DNAH17: variants seen among roughly 807,000 people sequenced by gnomAD.
DNAH17 encodes the protein dynein axonemal heavy chain 17.
A neutral mutation model predicts 485.6 loss-of-function variants in DNAH17; 376 were observed. The ratio of observed to expected loss-of-function variants is 0.77; its 90% CI spans 0.71 to 0.84. The LOEUF (loss-of-function observed/expected upper bound fraction) is 0.84. DNAH17 is among the 40% of genes least tolerant of loss of function. The pLI, the probability that DNAH17 is intolerant of heterozygous loss-of-function variation, is 0.00. For missense variants in DNAH17, 6,370 were observed against 5,839.3 expected, an observed-to-expected ratio of 1.09 and a Z score of -2.96; for synonymous variants, 3,031 against 2,405.9, an observed-to-expected ratio of 1.26 and a Z score of -7.60.
rs188071030 is a variant in DNAH17 at position 78,540,297 on chromosome 17, C to T, written c.2533-417G>A. On this transcript the variant is annotated intron_variant, in intron 17 of 80. Transcript: ENST00000389840. ...GACCATCCTCTCCACCACTGTACCC[C>T]CAGCACTCAGCAGTAGGCCTAGCAC... 4.5e-3 allele frequency among the ~76,000 whole-genome samples: 659 copies of T among 146,396 alleles called. 6 individuals are homozygous for T. Among genetic ancestry groups the T allele is most frequent in the African/African-American group, 0.016 (635 of 38,856 alleles).
intron 63 of DNAH17, 46 bp downstream of exon 63, chr17:78,455,598 A>G (rs1239142468): frequency 1.4e-6 from 2 of 1,429,012 alleles, no homozygotes; most frequent in Admixed American, 2.6e-5. Flanking sequence ...AAGTGCTGGC[A>G]TTACAGGCGT....
At chr17:78,494,240 TG>T (rs1568149698) in intron 40 of DNAH17, 67 bp from the exon 41 acceptor site, 2 of 1,562,192 alleles carry the variant, frequency 1.3e-6, no homozygotes, top group East Asian at 2.3e-5. Flanking sequence ...GCTGGGAGGC[TG>T]GGGGGCTTCC....
intron 70 of DNAH17, 37 bp from the exon 71 acceptor site, chr17:78,444,834 A>G: frequency 3.3e-6 from 5 of 1,529,342 alleles, no homozygotes; most frequent in Non-Finnish European, 4.4e-6. Flanking sequence ...GACTCTTCCC[A>G]CTTACCCGGG....
chr17:78,436,608 C>T (rs900889118), intron 74 of DNAH17, among the ~76,000 whole-genome samples: 2 of 152,074 alleles, frequency 1.3e-5, no homozygotes, highest in Non-Finnish European at 2.9e-5. Flanking sequence ...ATTTGGGAGC[C>T]TGAGGCAGGT....
At chr17:78,538,888 T>C (rs2091449375) in intron 18 of DNAH17, among the ~76,000 whole-genome samples, 1 of 152,188 alleles carries the variant, frequency 6.6e-6, no homozygotes. Context: ...GGGGAGCCTT[T>C]GATCTTGGCC....
At position 78,570,242 on chromosome 17, in the gene DNAH17, G is replaced by T; in HGVS notation, c.1044+5C>A. The T allele has an allele frequency of 6.3e-7, 1 of 1,577,918 alleles. No individual in the cohort carries two copies. Among genetic ancestry groups the T allele is most frequent in the Non-Finnish European group, 8.6e-7 (1 of 1,161,894 alleles). ...AAGGGGACCCAGGGGCCAGGGGAGG[G>T]TTACCATCTCGATGATTTGGTTGCA... On this transcript the variant is annotated splice_donor_5th_base_variant and intron_variant, in intron 7 of 80. Transcript: ENST00000389840.
rs183569459 is a variant in DNAH17 at position 78,501,012 on chromosome 17, C to G, written c.5483+172G>C. 11 of 698,232 alleles carry G rather than the reference C, an allele frequency of 1.6e-5. No homozygotes were observed. In the Admixed American group the frequency reaches 3.8e-4, roughly 24 times the overall value. 43.3% of individuals were successfully genotyped at this position (698,232 alleles called of 1,614,324 possible). On this transcript the variant is annotated intron_variant, in intron 35 of 80. Transcript: ENST00000389840. ...AGGAACTCTCCCAAGGCCACACAGC[C>G]GGTGCTAGAACAAGGACACAGTGGT...
At chr17:78,525,995 G>A (rs1323252183) in intron 24 of DNAH17, among the ~76,000 whole-genome samples, 1 of 152,242 alleles carries the variant, frequency 6.6e-6, no homozygotes, top group African/African-American at 2.4e-5. Context: ...CGACCCAGCA[G>A]TACCTGGGCA....
At chr17:78,555,540 T>A (rs1462199747) in intron 14 of DNAH17, among the ~76,000 whole-genome samples, 3 of 12,498 alleles carry the variant, frequency 2.4e-4, no homozygotes, top group Non-Finnish European at 3.2e-4. Context: ...CAAGATTCCG[T>A]CACAAAAAAA....
chr17:78,475,210 G>A, intron 54 of DNAH17, 68 bp downstream of exon 54: 2 of 1,542,674 alleles, frequency 1.3e-6, no homozygotes, highest in Non-Finnish European at 1.8e-6. Context: ...TTTGGAAAAG[G>A]GAGTGAAGTT....
At chr17:78,497,175 G>C (rs1360289858) in intron 37 of DNAH17, 1 of 152,236 alleles carries the variant, frequency 6.6e-6, no homozygotes, top group East Asian at 1.9e-4. Context: ...AAGGCCAACT[G>C]TCAGCTACGA....
intron 70 of DNAH17, among the ~76,000 whole-genome samples, chr17:78,445,133 C>T (rs2087227363): frequency 6.6e-6 from 1 of 150,400 alleles, no homozygotes; most frequent in African/African-American, 2.5e-5. Context: ...GACCTTGAGA[C>T]TCGAGGGTCC....
intron 11 of DNAH17, among the ~76,000 whole-genome samples, chr17:78,565,190 C>CCCTACA (rs2092242465): frequency 1.3e-5 from 2 of 152,216 alleles, no homozygotes; most frequent in Admixed American, 1.3e-4. Flanking sequence ...CCATCGCTCT[C>CCCTACA]CCTACACCTG....
intron 38 of DNAH17, among the ~76,000 whole-genome samples, chr17:78,495,331 AC>A (rs1011410306): frequency 2.6e-5 from 4 of 150,960 alleles, no homozygotes; most frequent in African/African-American, 9.8e-5. Context: ...AGCCACCCCA[AC>A]CCCCCAACCC....
chr17:78,503,169 C>CTTTTT (rs397856727), intron 31 of DNAH17, 158 bp from the exon 32 acceptor site: 3 of 127,604 alleles, frequency 2.4e-5, no homozygotes, highest in South Asian at 8.5e-5. Flanking sequence ...AGTGACACAC[C>CTTTTT]TTTTTTTTTT....
rs2091170562 is a variant in DNAH17, at chr17:78,529,494, T to A, written c.3485A>T (p.Glu1162Val). Residue 1162 changes from glutamate (E) to valine (V), a missense_variant, in exon 22 of 81, where the codon GAG becomes GTG. Physicochemically the swap from Glu to Val is moderately radical, Grantham distance 121. Coordinates refer to ENST00000389840, the MANE Select transcript of DNAH17 (RefSeq NM_173628.4). ...TACCTGCAGCTTCAAGTGGATCTCCTCTGGCATCTCCTCCCCGTAGGTCTT... is the reference window on the plus strand; with the variant it reads ...TACCTGCAGCTTCAAGTGGATCTCCACTGGCATCTCCTCCCCGTAGGTCTT... ...LLKTYGEEMPEEIHLKLQELP... is the reference protein window; with the variant it reads ...LLKTYGEEMPVEIHLKLQELP... The A allele has an allele frequency of 3.1e-6, 5 of 1,613,886 alleles. No homozygotes were observed. In the South Asian group the frequency reaches 5.5e-5, roughly 18 times the overall value.
chr17:78,565,982 A>G (rs1470025431), intron 11 of DNAH17, among the ~76,000 whole-genome samples: 2 of 151,952 alleles, frequency 1.3e-5, no homozygotes, highest in African/African-American at 4.8e-5. Context: ...AACAAAACAA[A>G]ACAAAAAACA....
chr17:78,461,107 C>T (rs1461397196), intron 58 of DNAH17, among the ~76,000 whole-genome samples: 1 of 151,532 alleles, frequency 6.6e-6, no homozygotes, highest in Admixed American at 6.6e-5. Context: ...AGGCCAGTAA[C>T]GTCCTACCCT....
rs1349687301 is a variant in DNAH17 at position 78,459,170 on chromosome 17, A to G, written c.9692T>C (p.Ile3231Thr). 2.5e-6 allele frequency: 4 copies of G among 1,613,820 alleles called. No individual in the cohort carries two copies. Among genetic ancestry groups the G allele is most frequent in the Non-Finnish European group, 3.4e-6 (4 of 1,179,898 alleles). ...GGCGGCGGCCGTGGACTTGGAGCGGATGAACTCGGGGTCGAACGTCGGGTT... is the reference window on the plus strand; with the variant it reads ...GGCGGCGGCCGTGGACTTGGAGCGGGTGAACTCGGGGTCGAACGTCGGGTT... ...QGNPTFDPEF[I>T]RSKSTAAAGL... Residue 3231 changes from isoleucine to threonine, a missense_variant, in exon 61 of 81, where the codon ATC becomes ACC. Ile to Thr is a moderately conservative substitution (Grantham distance 89). Transcript: ENST00000389840.
Sources: gnomAD v4.1 joint callset for allele counts (sites outside exome capture counted in the v4.1 genomes callset) on GRCh38, gnomAD v4.1.1 for gene constraint, MANE v1.5 for transcripts, NCBI Gene and HGNC (gene_info 2026-07-23, HGNC 2026-07-21) for gene names.